DR1: variants seen among roughly 807,000 people sequenced by gnomAD.
DR1 encodes protein Dr1.
Under a neutral mutation model 19.9 loss-of-function variants are expected in DR1, and 7 were observed. The observed-to-expected ratio is 0.35, with a 90% CI of 0.20 to 0.66. The LOEUF (loss-of-function observed/expected upper bound fraction) is 0.66. Among genes scored for constraint, DR1 ranks in the 30% least tolerant of loss-of-function variants. DR1 has a pLI of 0.66. For synonymous variants in DR1, 76 were observed against 72.5 expected, an observed-to-expected ratio of 1.05 and a Z score of -0.24; for missense variants, 98 against 203.7, an observed-to-expected ratio of 0.48 and a Z score of 3.16.
rs1557743875 is a variant in DR1 at position 93,346,181 on chromosome 1, TGGCGGCGGCGGCAGCGGCAGCG to T, written c.-462_-441del. On this transcript the variant is annotated 5_prime_UTR_variant, in exon 1 of 3. An upstream open reading frame in the 5' UTR loses its in-frame stop. Transcript: ENST00000370272. ...TGGCCGAGGCGGCGGCAACGGCTGCTGGCGGCGGCGGCAGCGGCAGCGGGGCCTCGGGCTCTATAGAGCCGAG... is the reference window on the plus strand; with the variant it reads ...TGGCCGAGGCGGCGGCAACGGCTGCTGGGCCTCGGGCTCTATAGAGCCGAG... 4.5e-6 allele frequency: 1 copy of T among 224,568 alleles called. No homozygotes were observed. Among genetic ancestry groups the T allele is most frequent in the Non-Finnish European group, 8.8e-6 (1 of 113,574 alleles). 13.9% of individuals were successfully genotyped at this position (224,568 alleles called of 1,614,324 possible).
At position 93,360,186 on chromosome 1, in the gene DR1, G is replaced by T. The variant is rs1044827127; in HGVS notation, c.385-307G>T. Among the ~76,000 whole-genome samples, 3 of 152,022 alleles carry T rather than the reference G, an allele frequency of 2.0e-5. No homozygotes were observed. The South Asian group carries it at 6.2e-4, about 32-fold the overall frequency. ...ATATTGTGGGTTTTTCACAATATTG[G>T]TTCCACTTTTTCAACTTCTTCAGTT... On this transcript the variant is annotated intron_variant, in intron 2 of 2. Coordinates refer to ENST00000370272, the MANE Select transcript of DR1 (RefSeq NM_001938.3).
rs964483946 is a variant in DR1 at position 93,365,269 on chromosome 1, CTT to C, written c.*4633_*4634del. 6.6e-6 allele frequency: 1 copy of C among 152,208 alleles called. No homozygotes were observed. The highest frequency in any genetic ancestry group is 6.5e-5 in the Admixed American group (1 of 15,274). The allele number at this position is 152,208 out of a possible 1,614,324, so 9.4% of individuals were successfully genotyped here. A position where few individuals can be genotyped will look rare whatever the true frequency, so the allele number is the denominator to read the frequency against. On this transcript the variant is annotated 3_prime_UTR_variant, in exon 3 of 3. Transcript: ENST00000370272. ...GCTCAAGCAATCCAAAAGGAGGAAA[CTT>C]TTAACTTATGATCAGTTTCTACCAT... is the stretch of plus-strand genomic sequence containing the variant.
At chr1:93,347,010 G>A in intron 1 of DR1, 145 bp downstream of exon 1, 1 of 715,174 alleles carries the variant, frequency 1.4e-6, no homozygotes, top group Non-Finnish European at 2.3e-6. Flanking sequence ...GGCAGCCGGT[G>A]CTTTAAAAAC....
rs1253731735 is a variant in DR1, at chr1:93,346,753, A to C, written c.108A>C (p.Arg36=). 6.2e-7 allele frequency: 1 copy of C among 1,614,078 alleles called. No homozygotes were observed. The highest frequency in any genetic ancestry group is 1.3e-5 in the African/African-American group (1 of 74,934). ...LPNVRVANDA[R]ELVVNCCTEF... The stretch of plus-strand genomic sequence containing the variant: ...ATGTCCGGGTGGCCAACGATGCTCG[A>C]GAGCTGGTGGTGAACTGCTGCACTG... Residue 36 remains arginine, a synonymous_variant, in exon 1 of 3, where the codon CGA becomes CGC. Coordinates refer to ENST00000370272, the MANE Select transcript of DR1 (RefSeq NM_001938.3).
At chr1:93,354,247 C>T (rs1203235134) in intron 2 of DR1, among the ~76,000 whole-genome samples, 176 bp downstream of exon 2, 1 of 152,072 alleles carries the variant, frequency 6.6e-6, no homozygotes, top group African/African-American at 2.4e-5. Context: ...TAAATATTTG[C>T]AGCAATCTGT....
chr1:93,350,924 C>T (rs1666906587), intron 1 of DR1, among the ~76,000 whole-genome samples: 1 of 152,160 alleles, frequency 6.6e-6, no homozygotes. Flanking sequence ...CCTTAAAAAG[C>T]ATTACTACTG....
chr1:93,350,415 C>T (rs1666901526), intron 1 of DR1, among the ~76,000 whole-genome samples: 1 of 152,072 alleles, frequency 6.6e-6, no homozygotes, highest in Admixed American at 6.6e-5. Flanking sequence ...TAGTTGCTTC[C>T]TTCCCACAAA....
rs980811925 is a variant in DR1, at chr1:93,368,824, G to A, written c.*8185G>A. 5.9e-5 allele frequency: 9 copies of A among 151,918 alleles called. No homozygotes were observed. The highest frequency in any genetic ancestry group is 1.7e-4 in the African/African-American group (7 of 41,338). The allele number at this position is 151,918 out of a possible 1,614,324, so 9.4% of individuals were successfully genotyped here. A position where few individuals can be genotyped will look rare whatever the true frequency, so the allele number is the denominator to read the frequency against. ...ATACTAGTAGCCCTTACAAAATTTCGTCTGTCTTTATTATAAACATGTTGT... is the reference window on the plus strand; with the variant it reads ...ATACTAGTAGCCCTTACAAAATTTCATCTGTCTTTATTATAAACATGTTGT... On this transcript the variant is annotated 3_prime_UTR_variant, in exon 3 of 3. Transcript: ENST00000370272.
rs149104456 is a variant in DR1 at position 93,356,852 on chromosome 1, G to A, written c.384+2781G>A. Reference sequence around the variant, plus strand: ...TTCTCCTGCCTCAGCTTCCCAAGTAGCTGGGATTACAGGCATGCACCACCA... The same window carrying A: ...TTCTCCTGCCTCAGCTTCCCAAGTAACTGGGATTACAGGCATGCACCACCA... On this transcript the variant is annotated intron_variant, in intron 2 of 2. Coordinates refer to ENST00000370272, the MANE Select transcript of DR1 (RefSeq NM_001938.3). 8.7e-3 allele frequency among the ~76,000 whole-genome samples: 1,323 copies of A among 151,960 alleles called. 13 individuals are homozygous for A. The highest frequency in any genetic ancestry group is 0.021 in the African/African-American group (880 of 41,414).
In DR1 at chr1:93,367,112, T is replaced by G. The variant is rs577864244; in HGVS notation, c.*6473T>G. 6.7e-6 allele frequency: 1 copy of G among 150,002 alleles called. No homozygotes were observed. The highest frequency in any genetic ancestry group is 1.5e-5 in the Non-Finnish European group (1 of 67,916). The allele number at this position is 150,002 out of a possible 1,614,324, so 9.3% of individuals were successfully genotyped here. A position where few individuals can be genotyped will look rare whatever the true frequency, so the allele number is the denominator to read the frequency against. On this transcript the variant is annotated 3_prime_UTR_variant, in exon 3 of 3. Coordinates refer to ENST00000370272, the MANE Select transcript of DR1 (RefSeq NM_001938.3). ...CTGCGGTGAGCCGTGATGGTACCAC[T>G]GCATTCCAGCCTGGGTGACAGAATG...
chr1:93,352,855 C>T lies in DR1; in HGVS notation c.221-1053C>T, dbSNP rs536968087. Among the ~76,000 whole-genome samples the T allele has an allele frequency of 5.4e-5, 8 of 149,506 alleles. No homozygotes were observed. In the South Asian group the frequency reaches 1.5e-3, roughly 28 times the overall value. ...CCCAAAAGGAAATTTTATGCCTTGT[C>T]TTTTCTGGATTACAGAAGGTATTTA... On this transcript the variant is annotated intron_variant, in intron 1 of 2. Transcript: ENST00000370272.
chr1:93,355,223 G>A (rs954188541), intron 2 of DR1: 4 of 151,990 alleles, frequency 2.6e-5, no homozygotes, highest in African/African-American at 4.8e-5. Flanking sequence ...AAATTTTATT[G>A]TATTCATTTA....
In DR1 at chr1:93,362,035, C is replaced by T. The variant is rs1667060366; in HGVS notation, c.*1396C>T. Reference sequence around the variant, plus strand: ...AAATCTTTTAAACTTATGTATTCACCAAGCCCAAAAATAGATTGTGGCTCC... The same window carrying T: ...AAATCTTTTAAACTTATGTATTCACTAAGCCCAAAAATAGATTGTGGCTCC... On this transcript the variant is annotated 3_prime_UTR_variant, in exon 3 of 3. Coordinates refer to ENST00000370272, the MANE Select transcript of DR1 (RefSeq NM_001938.3). The T allele has an allele frequency of 1.3e-5, 2 of 152,374 alleles. No individual in the cohort carries two copies. Among genetic ancestry groups the T allele is most frequent in the South Asian group, 4.1e-4 (2 of 4,826 alleles). The allele number at this position is 152,374 out of a possible 1,614,324, so 9.4% of individuals were successfully genotyped here. A position where few individuals can be genotyped will look rare whatever the true frequency, so the allele number is the denominator to read the frequency against.
chr1:93,358,513 C>T (rs1557747302), intron 2 of DR1, among the ~76,000 whole-genome samples: 2 of 152,184 alleles, frequency 1.3e-5, no homozygotes, highest in Non-Finnish European at 2.9e-5. Flanking sequence ...ACCCGCACCC[C>T]ATCCCCCCAC....
In DR1 at chr1:93,354,042, T is replaced by C. The variant is rs1666948404; in HGVS notation, c.355T>C (p.Leu119=). ...CCTTGGCATTCCTGAAGAAGAGTTATTGAGACAGCAACAAGAATTATTTGC... is the reference window on the plus strand; with the variant it reads ...CCTTGGCATTCCTGAAGAAGAGTTACTGAGACAGCAACAAGAATTATTTGC... ...ENLGIPEEEL[L]RQQQELFAKA... is the part of the protein sequence containing the mutation. The change falls in exon 2 of 3, where the codon TTG becomes CTG. Residue 119 remains leucine, a synonymous_variant. Transcript: ENST00000370272. The C allele has an allele frequency of 5.0e-6, 8 of 1,612,184 alleles. No individual in the cohort carries two copies. The highest frequency in any genetic ancestry group is 1.6e-4 in the Middle Eastern group (1 of 6,074).
At chr1:93,350,242 C>A (rs1352861665) in intron 1 of DR1, among the ~76,000 whole-genome samples, 4 of 152,278 alleles carry the variant, frequency 2.6e-5, no homozygotes, top group African/African-American at 9.6e-5. Flanking sequence ...AAATGATACT[C>A]AATTCCTTCT....
At position 93,346,741 on chromosome 1, in the gene DR1, C is replaced by T; in HGVS notation, c.96C>T (p.Ala32=). The T allele has an allele frequency of 6.2e-7, 1 of 1,614,090 alleles. No homozygotes were observed. The highest frequency in any genetic ancestry group is 1.7e-5 in the Admixed American group (1 of 60,014). ...AGACTCTTCCTAATGTCCGGGTGGC[C>T]AACGATGCTCGAGAGCTGGTGGTGA... The part of the protein sequence containing the change: ...IKETLPNVRV[A]NDARELVVNC... The change falls in exon 1 of 3, where the codon GCC becomes GCT. Residue 32 remains alanine, a synonymous_variant. Transcript: ENST00000370272.
Position 93,360,868 on chromosome 1 carries a change from A to T in DR1, c.*229A>T. ...AGTATAATATCAATTTTGAATTTTT[A>T]ATGGTGTTTATGAAATTTTAGATAG... On this transcript the variant is annotated 3_prime_UTR_variant, in exon 3 of 3. Transcript: ENST00000370272. 1 of 443,100 alleles carries T rather than the reference A, an allele frequency of 2.3e-6. No homozygotes were observed. Among genetic ancestry groups the T allele is most frequent in the Non-Finnish European group, 3.9e-6 (1 of 257,972 alleles). 27.4% of individuals were successfully genotyped at this position (443,100 alleles called of 1,614,324 possible). A position where few individuals can be genotyped will look rare whatever the true frequency, so the allele number is the denominator to read the frequency against.
Position 93,364,041 on chromosome 1 carries a change from A to G in DR1, c.*3402A>G, listed in dbSNP as rs967490473. 2 of 152,186 alleles carry G rather than the reference A, an allele frequency of 1.3e-5. No individual in the cohort carries two copies. The highest frequency in any genetic ancestry group is 4.8e-5 in the African/African-American group (2 of 41,448). 9.4% of individuals were successfully genotyped at this position (152,186 alleles called of 1,614,324 possible). ...GGAATTGCCAGGTTGTAGGGTGTGTATATTTTCAGTTTTAGTATTTACTGT... is the reference window on the plus strand; with the variant it reads ...GGAATTGCCAGGTTGTAGGGTGTGTGTATTTTCAGTTTTAGTATTTACTGT... On this transcript the variant is annotated 3_prime_UTR_variant, in exon 3 of 3. Coordinates refer to ENST00000370272, the MANE Select transcript of DR1 (RefSeq NM_001938.3).
Sources: gnomAD v4.1 joint callset for allele counts (sites outside exome capture counted in the v4.1 genomes callset) on GRCh38, gnomAD v4.1.1 for gene constraint, MANE v1.5 for transcripts, NCBI Gene and HGNC (gene_info 2026-07-23, HGNC 2026-07-21) for gene names.